The following RTN4R variants were observed in gnomAD, a reference collection of about 807,000 sequenced individuals.
The protein encoded by RTN4R is reticulon-4 receptor.
A neutral mutation model predicts 27.7 loss-of-function variants in RTN4R; 4 were observed. The observed-to-expected ratio is 0.14, with a 90% CI of 0.07 to 0.33. The LOEUF is 0.33. Among genes scored for constraint, RTN4R ranks in the 10% least tolerant of loss-of-function variants. The pLI is 1.00. For missense variants in RTN4R, 554 were observed against 671.5 expected (o/e 0.83, Z 1.93); for synonymous variants, 290 against 305.6 (o/e 0.95, Z 0.53).
intron 1 of RTN4R, among the ~76,000 whole-genome samples, chr22:20,258,316 C>A (rs2051224096): frequency 6.6e-6 from 1 of 152,176 alleles, no homozygotes; most frequent in Non-Finnish European, 1.5e-5. Flanking sequence ...TCTTCTCCCC[C>A]AGCCCCACCC....
rs375831656 is a variant in RTN4R, at chr22:20,259,703, C to T, written c.22+8368G>A. ...GCCTCCTCAGCCCCCAGGCCAGCAGCTCCAGCTCCTCTTCCAGACCTGGGG... is the reference window on the plus strand; with the variant it reads ...GCCTCCTCAGCCCCCAGGCCAGCAGTTCCAGCTCCTCTTCCAGACCTGGGG... On this transcript the variant is annotated intron_variant, in intron 1 of 1. Coordinates refer to ENST00000043402, the MANE Select transcript of RTN4R (RefSeq NM_023004.6). Among the ~76,000 whole-genome samples the T allele has an allele frequency of 2.6e-5, 4 of 152,324 alleles. No homozygotes were observed. In the South Asian group the frequency reaches 6.2e-4, roughly 24 times the overall value.
chr22:20,261,283 A>G (rs536135245), intron 1 of RTN4R, among the ~76,000 whole-genome samples: 1 of 152,230 alleles, frequency 6.6e-6, no homozygotes, highest in East Asian at 1.9e-4. Flanking sequence ...GAGGTGAGGG[A>G]CCTGCCACCC....
chr22:20,267,493 A>T (rs1452842671), intron 1 of RTN4R: 1 of 404,510 alleles, frequency 2.5e-6, no homozygotes, highest in Non-Finnish European at 5.1e-6. Flanking sequence ...CGGGCTGCAG[A>T]TGGCGGGCGT....
At chr22:20,251,409 A>T (rs2051175915) in intron 1 of RTN4R, among the ~76,000 whole-genome samples, 1 of 151,824 alleles carries the variant, frequency 6.6e-6, no homozygotes. Flanking sequence ...TCAGGCCTGG[A>T]TGCTCCTGCA....
chr22:20,264,351 A>G (rs1451706468), intron 1 of RTN4R, among the ~76,000 whole-genome samples: 1 of 152,256 alleles, frequency 6.6e-6, no homozygotes. Flanking sequence ...ACGGCAGCAC[A>G]GAACACCTGG....
intron 1 of RTN4R, among the ~76,000 whole-genome samples, chr22:20,252,109 G>A (rs1460478140): frequency 4.5e-4 from 4 of 8,806 alleles, no homozygotes; most frequent in African/African-American, 1.5e-3. Context: ...CACCATCACC[G>A]CCATCAGCAT....
At chr22:20,260,892 A>G (rs181661377) in intron 1 of RTN4R, among the ~76,000 whole-genome samples, 2 of 152,080 alleles carry the variant, frequency 1.3e-5, no homozygotes, top group South Asian at 2.1e-4. Context: ...ACTGAGAACT[A>G]GGGACTTCTC....
In RTN4R at chr22:20,242,666, AG is replaced by A; in HGVS notation, c.466del (p.Leu156CysfsTer74). 1 of 1,612,428 alleles carries A rather than the reference AG, an allele frequency of 6.2e-7. No individual in the cohort carries two copies. The highest frequency in any genetic ancestry group is 8.5e-7 in the Non-Finnish European group (1 of 1,179,760). ...GPGLFRGLAA[L>X]QYLYLQDNAL... ...GTTGTCCTGCAGGTAGAGGTACTGC[AG>A]GGCAGCCAGGCCGCGGAACAGCCCC... On this transcript the variant is annotated frameshift_variant, in exon 2 of 2. Transcript: ENST00000043402. LOFTEE classifies it high-confidence loss of function.
At chr22:20,261,956 C>G (rs1384607393) in intron 1 of RTN4R, among the ~76,000 whole-genome samples, 2 of 152,230 alleles carry the variant, frequency 1.3e-5, no homozygotes, top group African/African-American at 4.8e-5. Context: ...GGAGTTTAGG[C>G]AGGCAGTGCC....
rs2051129292 is a variant in RTN4R at position 20,244,626 on chromosome 22, A to G, written c.23-1516T>C. On this transcript the variant is annotated intron_variant, in intron 1 of 1. Coordinates refer to ENST00000043402, the MANE Select transcript of RTN4R (RefSeq NM_023004.6). Reference sequence around the variant, plus strand: ...GCACCTGGCCTCGTGTTCTGTTTAAACTGCGGACACCCTCTCTGCTCTCTT... The same window carrying G: ...GCACCTGGCCTCGTGTTCTGTTTAAGCTGCGGACACCCTCTCTGCTCTCTT... 2.0e-5 allele frequency among the ~76,000 whole-genome samples: 3 copies of G among 152,184 alleles called. No individual in the cohort carries two copies. The South Asian group carries it at 6.2e-4, about 32-fold the overall frequency.
At chr22:20,257,350 G>T (rs1372909437) in intron 1 of RTN4R, among the ~76,000 whole-genome samples, 1 of 152,258 alleles carries the variant, frequency 6.6e-6, no homozygotes, top group East Asian at 1.9e-4. Flanking sequence ...GATGGTATTT[G>T]GAGGCGGGGC....
chr22:20,263,953 C>T (rs1356576764), intron 1 of RTN4R, among the ~76,000 whole-genome samples: 1 of 152,248 alleles, frequency 6.6e-6, no homozygotes, highest in African/African-American at 2.4e-5. Context: ...AAGGCACCCA[C>T]TGCACAAATG....
chr22:20,251,899 A>C (rs374964971), intron 1 of RTN4R, among the ~76,000 whole-genome samples: 2 of 208 alleles, frequency 9.6e-3, no homozygotes, highest in Non-Finnish European at 0.02. Context: ...CACCACCATC[A>C]TCATCACCAC....
intron 1 of RTN4R, among the ~76,000 whole-genome samples, chr22:20,247,667 G>T (rs1323483205): frequency 6.6e-6 from 1 of 152,146 alleles, no homozygotes; most frequent in East Asian, 1.9e-4. Context: ...CTGCCCTTGA[G>T]GGGTCCTGAG....
rs2051293143 is a variant in RTN4R, at chr22:20,268,311, C to CACGGACTG, written c.-220_-219insCAGTCCGT. On this transcript the variant is annotated 5_prime_UTR_variant, in exon 1 of 2. Transcript: ENST00000043402. ...GCGCACAGGGCGAGGGCGGCGGCGG[C>CACGGACTG]GCGGGGGTTGGGGCGTGGGCGGCGC... 1.0e-3 allele frequency: 1 copy of CACGGACTG among 996 alleles called. No homozygotes were observed. Among genetic ancestry groups the CACGGACTG allele is most frequent in the African/African-American group, 1.9e-3 (1 of 524 alleles). 0.1% of individuals were successfully genotyped at this position (996 alleles called of 1,614,324 possible). A position where few individuals can be genotyped will look rare whatever the true frequency, so the allele number is the denominator to read the frequency against.
intron 1 of RTN4R, chr22:20,243,804 G>T: frequency 3.4e-6 from 1 of 292,440 alleles, no homozygotes. Flanking sequence ...GCCAACCCCT[G>T]CAGTGCCAGC....
chr22:20,244,259 C>A (rs2051127271), intron 1 of RTN4R, among the ~76,000 whole-genome samples: 1 of 152,216 alleles, frequency 6.6e-6, no homozygotes, highest in Non-Finnish European at 1.5e-5. Context: ...TGGAGCCGGG[C>A]AGGAGGAAGG....
At position 20,242,440 on chromosome 22, in the gene RTN4R, G is replaced by A. The variant is rs554221416; in HGVS notation, c.693C>T (p.Leu231=). The A allele has an allele frequency of 3.1e-6, 5 of 1,613,580 alleles. No homozygotes were observed. In the Admixed American group the frequency reaches 8.3e-5, roughly 27 times the overall value. The change falls in exon 2 of 2, where the codon CTC becomes CTT. Residue 231 remains leucine, a synonymous_variant. Coordinates refer to ENST00000043402, the MANE Select transcript of RTN4R (RefSeq NM_023004.6). ...CTGATAGATTGTTGGCAAACAGATAGAGTGTCATGAGGCGGCCAAGGTCAC... is the reference window on the plus strand; with the variant it reads ...CTGATAGATTGTTGGCAAACAGATAAAGTGTCATGAGGCGGCCAAGGTCAC... ...AFRDLGRLMT[L]YLFANNLSAL...
intron 1 of RTN4R, among the ~76,000 whole-genome samples, chr22:20,258,273 G>A (rs548468875): frequency 6.6e-6 from 1 of 152,292 alleles, no homozygotes; most frequent in African/African-American, 2.4e-5. Flanking sequence ...AGAATGCCCT[G>A]CCCTATTCCC....
Sources: allele counts gnomAD v4.1 joint callset (sites outside exome capture counted in the v4.1 genomes callset), GRCh38; gene constraint gnomAD v4.1.1; transcripts MANE v1.5; gene names NCBI Gene and HGNC (gene_info 2026-07-23, HGNC 2026-07-21).